KALRN: variants seen among roughly 807,000 people sequenced by gnomAD.
KALRN encodes the protein kalirin RhoGEF kinase, also known as kalirin.
KALRN carries 70 observed loss-of-function variants against 353.7 expected under a neutral mutation model. That is an observed-to-expected ratio of 0.20 (90% CI 0.16 to 0.24). The LOEUF is 0.24. Among genes scored for constraint, KALRN ranks in the 10% least tolerant of loss-of-function variants. The pLI, the probability that KALRN is intolerant of heterozygous loss-of-function variation, is 1.00. For synonymous variants in KALRN, 1,391 were observed against 1,434.8 expected (o/e 0.97, Z 0.69); for missense variants, 2,791 against 3,756.7 (o/e 0.74, Z 6.72).
intron 12 of KALRN, among the ~76,000 whole-genome samples, chr3:124,398,072 TCAGAG>T (rs1204813552): frequency 6.6e-6 from 1 of 152,192 alleles, no homozygotes; most frequent in Non-Finnish European, 1.5e-5. Context: ...CCTAAATGTA[TCAGAG>T]CAGAGACCTA....
At position 124,289,698 on chromosome 3, in the gene KALRN, T is replaced by G. The variant is rs148837168; in HGVS notation, c.970-9093T>G. Among the ~76,000 whole-genome samples, 47 of 152,328 alleles carry G rather than the reference T, an allele frequency of 3.1e-4. No individual in the cohort carries two copies. The East Asian group carries it at 9.1e-3, about 29-fold the overall frequency. ...GGTTCAGATGGACACTAGAGTCCAA[T>G]TTATCTTCATCACTTACAAGCTGTG... On this transcript the variant is annotated intron_variant, in intron 5 of 59. Transcript: ENST00000682506.
At chr3:124,412,117 C>A (rs2092210628) in intron 13 of KALRN, among the ~76,000 whole-genome samples, 2 of 152,226 alleles carry the variant, frequency 1.3e-5, no homozygotes, top group Non-Finnish European at 2.9e-5. Flanking sequence ...ACCCAGACAG[C>A]AGCCCCTTGT....
intron 45 of KALRN, among the ~76,000 whole-genome samples, chr3:124,662,829 C>G (rs2085067941): frequency 6.6e-6 from 1 of 152,184 alleles, no homozygotes; most frequent in African/African-American, 2.4e-5. Flanking sequence ...TGTCAGGTAC[C>G]TCCTGAGAGC....
chr3:124,616,261 T>C (rs1422255825), intron 34 of KALRN, among the ~76,000 whole-genome samples: 2 of 152,198 alleles, frequency 1.3e-5, no homozygotes, highest in African/African-American at 2.4e-5. Context: ...CCAGCCTCTA[T>C]AATTAAGCCT....
rs1466178082 is a variant in KALRN, at chr3:124,192,695, T to C, written c.74-35295T>C. Among the ~76,000 whole-genome samples the C allele has an allele frequency of 4.6e-5, 7 of 152,170 alleles. No individual in the cohort carries two copies. The East Asian group carries it at 1.3e-3, about 29-fold the overall frequency. On this transcript the variant is annotated intron_variant, in intron 1 of 59. Coordinates refer to ENST00000682506, the MANE Select transcript of KALRN (RefSeq NM_001388419.1). ...AATAAAAATAAAAAAGGGGATATTG[T>C]ACCTACAAAGAGATACCATGGATGT...
intron 13 of KALRN, among the ~76,000 whole-genome samples, chr3:124,412,171 A>G (rs1576704737): frequency 6.6e-6 from 1 of 152,178 alleles, no homozygotes; most frequent in South Asian, 2.1e-4. Flanking sequence ...GTACCCCAGC[A>G]TGGAATATAA....
intron 44 of KALRN, among the ~76,000 whole-genome samples, chr3:124,661,510 G>T (rs2084874190): frequency 6.6e-6 from 1 of 152,210 alleles, no homozygotes; most frequent in African/African-American, 2.4e-5. Context: ...AGGCTAAGCT[G>T]TTGCCTGGGC....
intron 13 of KALRN, among the ~76,000 whole-genome samples, chr3:124,408,719 A>C (rs1172428036): frequency 6.6e-6 from 1 of 151,616 alleles, no homozygotes; most frequent in African/African-American, 2.4e-5. Context: ...AAGTGGGGAA[A>C]AAAAAAAGGG....
chr3:124,364,864 C>T (rs760350913), intron 10 of KALRN, among the ~76,000 whole-genome samples: 3 of 152,222 alleles, frequency 2.0e-5, no homozygotes, highest in Non-Finnish European at 4.4e-5. Flanking sequence ...CTGTTAGACA[C>T]TTCTGCTGTG....
At chr3:124,429,432 G>A (rs935283534) in intron 15 of KALRN, among the ~76,000 whole-genome samples, 1 of 152,186 alleles carries the variant, frequency 6.6e-6, no homozygotes, top group African/African-American at 2.4e-5. Context: ...GAAACAGATA[G>A]TGGTGTCTTC....
At chr3:124,176,044 G>A (rs888328128) in intron 1 of KALRN, among the ~76,000 whole-genome samples, 5 of 151,846 alleles carry the variant, frequency 3.3e-5, no homozygotes, top group African/African-American at 1.2e-4. Context: ...ATAACCTCTT[G>A]TCTGCATCTC....
At chr3:124,463,214 C>A (rs1172915105) in intron 25 of KALRN, among the ~76,000 whole-genome samples, 1 of 152,128 alleles carries the variant, frequency 6.6e-6, no homozygotes, top group African/African-American at 2.4e-5. Context: ...CCATGGTTAA[C>A]AAAGGATCAG....
At position 124,110,022 on chromosome 3, in the gene KALRN, A is replaced by ATATATATGACATATATGTCATG. The variant is rs1452484061; in HGVS notation, c.73+76209_73+76210insTATATATGACATATATGTCATG. On this transcript the variant is annotated intron_variant, in intron 1 of 59. Coordinates refer to ENST00000682506, the MANE Select transcript of KALRN (RefSeq NM_001388419.1). ...TTGATATATATGACATATATGTCAT[A>ATATATATGACATATATGTCATG]CTTTGATATATATGACATATATGTC... Among the ~76,000 whole-genome samples, 6 of 83,444 alleles carry ATATATATGACATATATGTCATG rather than the reference A, an allele frequency of 7.2e-5. 1 individual carries two copies. The highest frequency in any genetic ancestry group is 1.3e-4 in the Non-Finnish European group (6 of 47,036). The allele number at this position is 83,444 out of a possible 152,430, so 54.7% of individuals were successfully genotyped here.
chr3:124,252,108 G>T (rs545690011), intron 3 of KALRN, among the ~76,000 whole-genome samples: 460 of 152,298 alleles, frequency 3.0e-3, no homozygotes, highest in Non-Finnish European at 5.1e-3. Flanking sequence ...ACAAGGAGTA[G>T]TTCCTAGACC....
At chr3:124,233,133 CTGTGGTTCCT>C (rs2079361983) in intron 2 of KALRN, among the ~76,000 whole-genome samples, 1 of 152,080 alleles carries the variant, frequency 6.6e-6, no homozygotes, top group Non-Finnish European at 1.5e-5. Flanking sequence ...CCAGTTGGAG[CTGTGGTTCCT>C]TGTGGTTCCA....
At chr3:124,445,275 G>A (rs1224555173) in intron 19 of KALRN, among the ~76,000 whole-genome samples, 1 of 152,146 alleles carries the variant, frequency 6.6e-6, no homozygotes, top group Non-Finnish European at 1.5e-5. Flanking sequence ...ATATTCATAT[G>A]GTTATTATTG....
chr3:124,061,448 C>T (rs2041987514), intron 1 of KALRN, among the ~76,000 whole-genome samples: 1 of 152,202 alleles, frequency 6.6e-6, no homozygotes, highest in Non-Finnish European at 1.5e-5. Flanking sequence ...AGCCTACCTC[C>T]ATGCCAGGAC....
intron 1 of KALRN, among the ~76,000 whole-genome samples, chr3:124,119,582 C>T (rs72972615): frequency 0.072 from 11,022 of 152,200 alleles, 1,305 homozygotes; most frequent in African/African-American, 0.25. Flanking sequence ...TGTCTCAGAT[C>T]GCAAGGATGG....
chr3:124,599,801 C>G (rs1274030101), intron 34 of KALRN, among the ~76,000 whole-genome samples: 1 of 152,160 alleles, frequency 6.6e-6, no homozygotes, highest in Non-Finnish European at 1.5e-5. Context: ...TTTTGAAGTT[C>G]CCATTTCTTT....
Sources: allele counts gnomAD v4.1 joint callset (sites outside exome capture counted in the v4.1 genomes callset), GRCh38; gene constraint gnomAD v4.1.1; transcripts MANE v1.5; gene names NCBI Gene and HGNC (gene_info 2026-07-23, HGNC 2026-07-21).